Variants in RALYL observed in about 807,000 individuals in gnomAD.
RALYL encodes the protein RALY RNA binding protein like, also known as RNA-binding Raly-like protein.
In RALYL, 29 loss-of-function variants were observed where a neutral mutation model predicts 35.1. The observed-to-expected ratio is 0.83, with a 90% CI of 0.61 to 1.13. The LOEUF is 1.13. Among genes scored for constraint, RALYL ranks in the 50% most tolerant of loss-of-function variants. The probability of loss-of-function intolerance (pLI) is 0.00; values close to 1 mark genes in which losing one functional copy is unlikely to be tolerated. For synonymous variants in RALYL, 120 were observed against 127.6 expected (o/e 0.94, Z 0.40); for missense variants, 359 against 360.4 (o/e 1.00, Z 0.03).
chr8:84,276,605 G>T (rs1224689189), intron 1 of RALYL, among the ~76,000 whole-genome samples: 2 of 152,126 alleles, frequency 1.3e-5, no homozygotes, highest in African/African-American at 4.8e-5. Context: ...TCAGAACTAG[G>T]CCTGCTATAG....
intron 1 of RALYL, among the ~76,000 whole-genome samples, chr8:84,292,925 T>A (rs1265807839): frequency 7.9e-5 from 12 of 152,150 alleles, no homozygotes; most frequent in Non-Finnish European, 8.8e-5. Flanking sequence ...CTTTCTCACA[T>A]CACATTTCTT....
At chr8:84,354,776 T>C (rs1410993218) in intron 1 of RALYL, among the ~76,000 whole-genome samples, 1 of 150,250 alleles carries the variant, frequency 6.7e-6, no homozygotes, top group South Asian at 2.1e-4. Context: ...CTTATGTCTA[T>C]TTATACTTTG....
At chr8:84,261,756 C>T (rs947995260) in intron 1 of RALYL, among the ~76,000 whole-genome samples, 9 of 152,090 alleles carry the variant, frequency 5.9e-5, no homozygotes, top group Middle Eastern at 3.4e-3. Flanking sequence ...TCTAGACAAT[C>T]AATGCATGCA....
intron 1 of RALYL, among the ~76,000 whole-genome samples, chr8:84,378,685 C>T (rs113136995): frequency 5.4e-4 from 82 of 151,696 alleles, no homozygotes; most frequent in African/African-American, 1.7e-3. Context: ...ATATGGTTTC[C>T]GCGAGATCTA....
At chr8:84,642,942 C>T (rs538829092) in intron 2 of RALYL, among the ~76,000 whole-genome samples, 1 of 152,106 alleles carries the variant, frequency 6.6e-6, no homozygotes, top group African/African-American at 2.4e-5. Flanking sequence ...CTCTGCAAGT[C>T]ACCAGTTAAG....
At chr8:84,585,704 T>C (rs1049379666) in intron 2 of RALYL, among the ~76,000 whole-genome samples, 3 of 152,178 alleles carry the variant, frequency 2.0e-5, no homozygotes, top group African/African-American at 7.2e-5. Flanking sequence ...ATGCCCTTTT[T>C]TTATACATTA....
intron 2 of RALYL, among the ~76,000 whole-genome samples, chr8:84,734,438 A>G (rs780106387): frequency 6.6e-6 from 1 of 152,124 alleles, no homozygotes; most frequent in Non-Finnish European, 1.5e-5. Context: ...TAATTCCTTC[A>G]CTATTTCTTC....
At chr8:84,443,382 C>T (rs1023195474) in intron 1 of RALYL, among the ~76,000 whole-genome samples, 1 of 152,106 alleles carries the variant, frequency 6.6e-6, no homozygotes, top group African/African-American at 2.4e-5. Context: ...TAGCACATTG[C>T]AGAGATTTTT....
At chr8:84,613,646 T>C (rs1818803242) in intron 2 of RALYL, among the ~76,000 whole-genome samples, 1 of 151,408 alleles carries the variant, frequency 6.6e-6, no homozygotes, top group Non-Finnish European at 1.5e-5. Flanking sequence ...TAATAGGTAA[T>C]ATCCATTTTT....
chr8:84,648,771 G>A (rs1388743942), intron 2 of RALYL, among the ~76,000 whole-genome samples: 1 of 150,930 alleles, frequency 6.6e-6, no homozygotes, highest in Non-Finnish European at 1.5e-5. Flanking sequence ...AATGCATTAA[G>A]TTGAATTATG....
chr8:84,634,331 C>T (rs755247169), intron 2 of RALYL, among the ~76,000 whole-genome samples: 124 of 151,800 alleles, frequency 8.2e-4, no homozygotes, highest in Non-Finnish European at 1.4e-3. Flanking sequence ...TTTCAAAGGC[C>T]TGTGCTCTGC....
intron 4 of RALYL, among the ~76,000 whole-genome samples, chr8:84,829,840 C>G (rs1242673187): frequency 6.6e-6 from 1 of 152,034 alleles, no homozygotes; most frequent in African/African-American, 2.4e-5. Context: ...CATAAACTTG[C>G]TGTTTGTTTC....
At chr8:84,795,435 C>T (rs1821695487) in intron 3 of RALYL, among the ~76,000 whole-genome samples, 1 of 152,098 alleles carries the variant, frequency 6.6e-6, no homozygotes, top group South Asian at 2.1e-4. Flanking sequence ...ATGTCAACTT[C>T]ACAAGAAAGT....
At chr8:84,364,473 A>C (rs1853778099) in intron 1 of RALYL, among the ~76,000 whole-genome samples, 1 of 152,176 alleles carries the variant, frequency 6.6e-6, no homozygotes, top group South Asian at 2.1e-4. Flanking sequence ...CATAAGTTGG[A>C]AGAAAGAAAA....
chr8:84,905,346 A>C (rs1354150535), intron 8 of RALYL, among the ~76,000 whole-genome samples: 2 of 152,154 alleles, frequency 1.3e-5, no homozygotes, highest in Admixed American at 1.3e-4. Flanking sequence ...GGTTATTTCC[A>C]CATCTTGGTG....
chr8:84,495,659 C>T (rs1418945673), intron 1 of RALYL, among the ~76,000 whole-genome samples: 1 of 152,050 alleles, frequency 6.6e-6, no homozygotes, highest in Non-Finnish European at 1.5e-5. Context: ...ATTGACCTTT[C>T]ATTTTTGTTT....
chr8:84,670,813 G>A (rs1833062253), intron 2 of RALYL, among the ~76,000 whole-genome samples: 1 of 152,110 alleles, frequency 6.6e-6, no homozygotes, highest in Admixed American at 6.6e-5. Context: ...ATTTGGGTGA[G>A]GACAGAGCCA....
At chr8:84,691,232 A>G (rs1837987998) in intron 2 of RALYL, among the ~76,000 whole-genome samples, 1 of 151,912 alleles carries the variant, frequency 6.6e-6, no homozygotes, top group South Asian at 2.1e-4. Context: ...TGGGCTTGTG[A>G]TGAACTCTCC....
chr8:84,397,444 G>GA (rs1399052503), intron 1 of RALYL, among the ~76,000 whole-genome samples: 1 of 152,034 alleles, frequency 6.6e-6, no homozygotes, highest in Non-Finnish European at 1.5e-5. Flanking sequence ...TTTTTCCCCA[G>GA]AAAAATCCCT....
Sources: allele counts gnomAD v4.1 joint callset (sites outside exome capture counted in the v4.1 genomes callset), GRCh38; gene constraint gnomAD v4.1.1; transcripts MANE v1.5; gene names NCBI Gene and HGNC (gene_info 2026-07-23, HGNC 2026-07-21).